CDC20B: variants seen among roughly 807,000 people sequenced by gnomAD.
CDC20B encodes cell division cycle 20B, also known as cell division cycle protein 20 homolog B.
CDC20B carries 58 observed loss-of-function variants against 64.1 expected under a neutral mutation model. That is an observed-to-expected ratio of 0.90 (90% CI 0.73 to 1.13). The LOEUF is 1.13. Among genes scored for constraint, CDC20B ranks in the 50% most tolerant of loss-of-function variants. CDC20B has a pLI of 0.00. For missense variants in CDC20B, 597 were observed against 633.0 expected, an observed-to-expected ratio of 0.94 and a Z score of 0.61; for synonymous variants, 243 against 230.6, an observed-to-expected ratio of 1.05 and a Z score of -0.49.
chr5:55,163,545 C>T (rs1397560932), intron 2 of CDC20B, among the ~76,000 whole-genome samples: 1 of 151,800 alleles, frequency 6.6e-6, no homozygotes, highest in African/African-American at 2.4e-5. Context: ...TCACTCTTGT[C>T]CCCCAGGCTG....
intron 9 of CDC20B, among the ~76,000 whole-genome samples, chr5:55,122,014 A>C (rs967485405): frequency 1.3e-5 from 2 of 152,196 alleles, no homozygotes; most frequent in Non-Finnish European, 1.5e-5. Context: ...CTCCTTCTGT[A>C]AAACATACTT....
At chr5:55,130,407 T>A (rs1743000120) in intron 6 of CDC20B, among the ~76,000 whole-genome samples, 1 of 152,082 alleles carries the variant, frequency 6.6e-6, no homozygotes, top group South Asian at 2.1e-4. Context: ...ATCTAACATA[T>A]GTGTAAGTAG....
At chr5:55,121,973 A>G (rs1470632388) in intron 9 of CDC20B, among the ~76,000 whole-genome samples, 1 of 152,152 alleles carries the variant, frequency 6.6e-6, no homozygotes, top group East Asian at 1.9e-4. Context: ...TCTTCATTTA[A>G]CCAACTTGCT....
chr5:55,150,510 T>A (rs1489517845), intron 2 of CDC20B, among the ~76,000 whole-genome samples: 2 of 152,366 alleles, frequency 1.3e-5, no homozygotes, highest in Non-Finnish European at 2.9e-5. Flanking sequence ...AGAGAACTTC[T>A]TTCGCAGAAG....
rs188607678 is a variant in CDC20B at position 55,120,402 on chromosome 5, T to G, written c.1341+23A>C. ...AGATTCCAGAAGATCAAAATGAAGATGAAGCCCAGAGGAGATATTAACCTG... is the reference window on the plus strand; with the variant it reads ...AGATTCCAGAAGATCAAAATGAAGAGGAAGCCCAGAGGAGATATTAACCTG... On this transcript the variant is annotated intron_variant, in intron 10 of 11. Transcript: ENST00000381375. 86 of 1,612,608 alleles carry G rather than the reference T, an allele frequency of 5.3e-5. 1 individual carries two copies. The African/African-American group carries it at 1.1e-3, about 20-fold the overall frequency.
chr5:55,169,511 G>A (rs1300197472), intron 2 of CDC20B, among the ~76,000 whole-genome samples: 2 of 152,204 alleles, frequency 1.3e-5, no homozygotes, highest in Non-Finnish European at 2.9e-5. Flanking sequence ...CCAAGGTAAT[G>A]AGAATATATT....
rs562805033 is a variant in CDC20B at position 55,142,175 on chromosome 5, G to A, written c.486+1338C>T. Among the ~76,000 whole-genome samples, 3 of 152,218 alleles carry A rather than the reference G, an allele frequency of 2.0e-5. No homozygotes were observed. The East Asian group carries it at 5.8e-4, about 29-fold the overall frequency. On this transcript the variant is annotated intron_variant, in intron 4 of 11. Transcript: ENST00000381375. Reference sequence around the variant, plus strand: ...TCAGCAACTTAATATGGAGCTCCTGGAAGATGAATTCTGAAAGTCTCCACG... The same window carrying A: ...TCAGCAACTTAATATGGAGCTCCTGAAAGATGAATTCTGAAAGTCTCCACG...
At chr5:55,166,736 A>G (rs1402902308) in intron 2 of CDC20B, 1 of 152,318 alleles carries the variant, frequency 6.6e-6, no homozygotes, top group East Asian at 1.9e-4. Context: ...ACAGAAAAAT[A>G]TCAACATCAG....
At chr5:55,166,308 C>G (rs959490109) in intron 2 of CDC20B, 2 of 152,266 alleles carry the variant, frequency 1.3e-5, no homozygotes, top group African/African-American at 2.4e-5. Flanking sequence ...AAGTCACTAG[C>G]TCTCTCCAAA....
intron 6 of CDC20B, among the ~76,000 whole-genome samples, chr5:55,130,973 T>A: frequency 6.6e-6 from 1 of 151,830 alleles, no homozygotes. Context: ...AATCAAAAAA[T>A]TACCTGGGCA....
At chr5:55,125,086 A>G in intron 8 of CDC20B, 58 bp from the exon 9 acceptor site, 1 of 1,406,658 alleles carries the variant, frequency 7.1e-7, no homozygotes, top group Non-Finnish European at 1.0e-6. Context: ...ATTTGAAAAC[A>G]TGGAGGAAAG....
chr5:55,155,562 C>T (rs1053667024), intron 2 of CDC20B, among the ~76,000 whole-genome samples: 3 of 152,158 alleles, frequency 2.0e-5, no homozygotes, highest in Non-Finnish European at 4.4e-5. Context: ...TGTAGGGTCT[C>T]AATACTATTT....
chr5:55,124,732 C>CT, intron 9 of CDC20B, 71 bp downstream of exon 9: 3 of 1,273,648 alleles, frequency 2.4e-6, no homozygotes, highest in Admixed American at 4.9e-5. Context: ...TAATGATTTT[C>CT]TTTTTATATG....
intron 8 of CDC20B, 24 bp from the exon 9 acceptor site, chr5:55,125,052 A>C (rs188649993): frequency 6.3e-7 from 1 of 1,586,566 alleles, no homozygotes; most frequent in Admixed American, 1.7e-5. Context: ...TAACAAAAAA[A>C]TTAAGCCCTG....
chr5:55,154,896 C>T (rs1391364342), intron 2 of CDC20B, among the ~76,000 whole-genome samples: 2 of 152,012 alleles, frequency 1.3e-5, no homozygotes, highest in Non-Finnish European at 2.9e-5. Flanking sequence ...AGCAAATAAA[C>T]GATATACAGA....
At chr5:55,172,550 G>C (rs1321792997) in intron 2 of CDC20B, 38 bp downstream of exon 2, 2 of 1,494,236 alleles carry the variant, frequency 1.3e-6, no homozygotes, top group African/African-American at 2.8e-5. Flanking sequence ...TTCAAGATCA[G>C]AATTAAAACA....
At position 55,124,901 on chromosome 5, in the gene CDC20B, C is replaced by T. The variant is rs1338716023; in HGVS notation, c.1117G>A (p.Gly373Ser). 4.3e-6 allele frequency: 7 copies of T among 1,614,016 alleles called. No individual in the cohort carries two copies. Among genetic ancestry groups the T allele is most frequent in the East Asian group, 2.2e-5 (1 of 44,892 alleles). Residue 373 changes from glycine (G) to serine (S), a missense_variant, in exon 9 of 12, where the codon GGC becomes AGC. Around this residue, in one of 3 missense-constraint regions of CDC20B, gnomAD observed 353 missense variants for 397.0 expected, o/e 0.89. Transcript: ENST00000381375. The part of the protein sequence containing the change: ...WSPDGRLLSS[G>S]CSDGLLTIWP... ...ATTGTCAGCAGTCCATCACTGCAGCCGCTGGAAAGCAGCCTGCCATCCGGT... is the reference window on the plus strand; with the variant it reads ...ATTGTCAGCAGTCCATCACTGCAGCTGCTGGAAAGCAGCCTGCCATCCGGT...
In CDC20B at chr5:55,129,000, C is replaced by T. The variant is rs531369138; in HGVS notation, c.698-383G>A. ...TAGGATATCTATATGGGAGATGCCA[C>T]CATCATTTCTAACCAAAAACACCAC... On this transcript the variant is annotated intron_variant, in intron 6 of 11. Transcript: ENST00000381375. Among the ~76,000 whole-genome samples, 3 of 152,246 alleles carry T rather than the reference C, an allele frequency of 2.0e-5. No individual in the cohort carries two copies. In the South Asian group the frequency reaches 6.2e-4, roughly 32 times the overall value.
In CDC20B at chr5:55,125,040, C is replaced by A; in HGVS notation, c.990-12G>T. The A allele has an allele frequency of 6.2e-7, 1 of 1,600,644 alleles. No homozygotes were observed. Among genetic ancestry groups the A allele is most frequent in the Non-Finnish European group, 8.6e-7 (1 of 1,169,542 alleles). On this transcript the variant is annotated splice_polypyrimidine_tract_variant and intron_variant, in intron 8 of 11. Coordinates refer to ENST00000381375, the MANE Select transcript of CDC20B (RefSeq NM_001170402.1). ...CCAGTCTTGACCCACTGCGAGTTTA[C>A]ATAACAAAAAAATTAAGCCCTGTTG...
Sources: allele counts gnomAD v4.1 joint callset (sites outside exome capture counted in the v4.1 genomes callset), GRCh38; gene constraint gnomAD v4.1.1; regional missense constraint gnomAD v4.1.1; transcripts MANE v1.5; gene names NCBI Gene and HGNC (gene_info 2026-07-23, HGNC 2026-07-21).